Variants in GPM6A observed in about 807,000 individuals in gnomAD.
The protein encoded by GPM6A is glycoprotein M6A.
In GPM6A, 7 loss-of-function variants were observed where a neutral mutation model predicts 32.1. That is an observed-to-expected ratio of 0.22 (90% CI 0.12 to 0.41). The LOEUF is 0.41. GPM6A is among the 10% of genes least tolerant of loss of function. The pLI is 1.00. For missense variants in GPM6A, 235 were observed against 347.2 expected (o/e 0.68, Z 2.57); for synonymous variants, 130 against 123.4 (o/e 1.05, Z -0.35).
chr4:175,881,638 T>C (rs1227254179), intron 1 of GPM6A, among the ~76,000 whole-genome samples: 1 of 152,126 alleles, frequency 6.6e-6, no homozygotes, highest in African/African-American at 2.4e-5. Context: ...ATGTGGCACA[T>C]ATACACCATG....
At chr4:175,933,102 A>G (rs1739105207) in intron 1 of GPM6A, among the ~76,000 whole-genome samples, 3 of 152,102 alleles carry the variant, frequency 2.0e-5, no homozygotes, top group Non-Finnish European at 4.4e-5. Flanking sequence ...ATTGGAAAAG[A>G]TACACCAAGC....
chr4:175,767,803 C>T (rs113699948), intron 1 of GPM6A, among the ~76,000 whole-genome samples: 10 of 152,304 alleles, frequency 6.6e-5, no homozygotes, highest in East Asian at 5.8e-4. Context: ...AGTTATAATG[C>T]GGATGTTGAG....
intron 1 of GPM6A, among the ~76,000 whole-genome samples, chr4:175,715,719 CTT>C (rs35485713): frequency 6.9e-6 from 1 of 145,856 alleles, no homozygotes. Flanking sequence ...TTACTATTGA[CTT>C]TTTTTTTTTT....
At chr4:175,960,887 G>A (rs527942163) in intron 1 of GPM6A, 10 of 152,156 alleles carry the variant, frequency 6.6e-5, no homozygotes, top group Non-Finnish European at 7.4e-5. Flanking sequence ...ATATGAAGTT[G>A]TTTCAATTTT....
At chr4:175,982,106 A>T (rs1740837553) in intron 1 of GPM6A, among the ~76,000 whole-genome samples, 1 of 151,914 alleles carries the variant, frequency 6.6e-6, no homozygotes, top group Non-Finnish European at 1.5e-5. Context: ...TTTTCTTGTT[A>T]GTGGGTTTTT....
chr4:175,996,668 T>C (rs1741316759), intron 1 of GPM6A, among the ~76,000 whole-genome samples: 1 of 152,222 alleles, frequency 6.6e-6, no homozygotes, highest in African/African-American at 2.4e-5. Context: ...CACACTCAAA[T>C]GTTTTGCTGT....
intron 1 of GPM6A, among the ~76,000 whole-genome samples, chr4:175,997,935 C>A (rs1004995847): frequency 3.3e-5 from 5 of 149,726 alleles, no homozygotes; most frequent in Non-Finnish European, 2.9e-5. Context: ...CTTCTTCAAT[C>A]AAACAGGATT....
intron 1 of GPM6A, among the ~76,000 whole-genome samples, chr4:175,733,397 G>C (rs796560168): frequency 6.6e-6 from 1 of 152,134 alleles, no homozygotes; most frequent in Non-Finnish European, 1.5e-5. Flanking sequence ...AAGCTACTCG[G>C]GAGGCTGAGG....
At chr4:175,879,871 C>T (rs183954450) in intron 1 of GPM6A, among the ~76,000 whole-genome samples, 1 of 151,780 alleles carries the variant, frequency 6.6e-6, no homozygotes, top group African/African-American at 2.4e-5. Flanking sequence ...TTGAAAAAGC[C>T]CATTTAAACA....
intron 1 of GPM6A, among the ~76,000 whole-genome samples, chr4:175,884,238 A>G (rs1032691550): frequency 1.3e-5 from 2 of 152,196 alleles, no homozygotes; most frequent in Admixed American, 1.3e-4. Context: ...GACTCAACCA[A>G]CAAGCATTGA....
chr4:175,893,186 T>C (rs1446117253), intron 1 of GPM6A, among the ~76,000 whole-genome samples: 2 of 152,210 alleles, frequency 1.3e-5, no homozygotes, highest in African/African-American at 4.8e-5. Context: ...TTTGAATCAA[T>C]GTACTTGTGG....
chr4:175,692,960 A>G (rs1386956985), intron 2 of GPM6A, among the ~76,000 whole-genome samples: 4 of 152,036 alleles, frequency 2.6e-5, no homozygotes, highest in Admixed American at 6.6e-5. Flanking sequence ...AAAATACCAT[A>G]TAGTATAATA....
intron 2 of GPM6A, among the ~76,000 whole-genome samples, chr4:175,679,674 C>T (rs1440046391): frequency 1.3e-5 from 2 of 152,154 alleles, no homozygotes; most frequent in Admixed American, 1.3e-4. Flanking sequence ...GAAGAGCCCA[C>T]CCTTTTCCCC....
upstream of GPM6A, chr4:175,812,390 T>C (rs1579531020): frequency 3.8e-6 from 5 of 1,331,090 alleles, no homozygotes; most frequent in East Asian, 1.5e-4. Context: ...AGAGCTTAGC[T>C]CAGGCTCCCT....
intron 1 of GPM6A, among the ~76,000 whole-genome samples, chr4:175,838,843 TG>T (rs1213206044): frequency 6.6e-6 from 1 of 151,770 alleles, no homozygotes; most frequent in Non-Finnish European, 1.5e-5. Flanking sequence ...TCAGTAAAGA[TG>T]GGGTTTCACC....
chr4:175,984,715 G>GT (rs1437301796), intron 1 of GPM6A, among the ~76,000 whole-genome samples: 1 of 151,910 alleles, frequency 6.6e-6, no homozygotes, highest in East Asian at 1.9e-4. Flanking sequence ...TATTTTTATT[G>GT]TTTTTTACAA....
chr4:175,686,846 T>C (rs1744007892), intron 2 of GPM6A, among the ~76,000 whole-genome samples: 1 of 152,268 alleles, frequency 6.6e-6, no homozygotes, highest in East Asian at 1.9e-4. Flanking sequence ...TCTAATGCAC[T>C]TGTATGCTAC....
intron 1 of GPM6A, among the ~76,000 whole-genome samples, chr4:175,800,525 C>T (rs566872612): frequency 6.6e-6 from 1 of 152,244 alleles, no homozygotes; most frequent in African/African-American, 2.4e-5. Context: ...ACTTGTTTCC[C>T]ATACCAACAC....
intron 1 of GPM6A, among the ~76,000 whole-genome samples, chr4:175,838,867 C>T (rs1184739890): frequency 6.6e-6 from 1 of 151,876 alleles, no homozygotes; most frequent in African/African-American, 2.4e-5. Flanking sequence ...GTTGGCCAGG[C>T]TGGTTTCGAA....
Sources: gnomAD v4.1 joint callset for allele counts (sites outside exome capture counted in the v4.1 genomes callset) on GRCh38, gnomAD v4.1.1 for gene constraint, MANE v1.5 for transcripts, NCBI Gene and HGNC (gene_info 2026-07-23, HGNC 2026-07-21) for gene names.